MEP1A: variants seen among roughly 807,000 people sequenced by gnomAD.
The protein encoded by MEP1A is meprin A subunit alpha, also known as N-benzoyl-L-tyrosyl-P-amino-benzoic acid hydrolase subunit alpha.
Under a neutral mutation model 84.5 loss-of-function variants are expected in MEP1A, and 68 were observed. That is an observed-to-expected ratio of 0.80 (90% CI 0.66 to 0.98). The LOEUF is 0.98. Ranked by LOEUF, MEP1A falls within the 50% of genes least tolerant of loss-of-function variation. MEP1A has a pLI of 0.00. For synonymous variants in MEP1A, 337 were observed against 336.8 expected (o/e 1.00, Z -0.01); for missense variants, 887 against 919.9 (o/e 0.96, Z 0.46).
rs1200745408 is a variant in MEP1A at position 46,829,420 on chromosome 6, G to T, written c.993G>T (p.Glu331Asp). ...SGSAEEAALL[E>D]SRILYPKRKQ... ...CCGCGGAAGAGGCAGCCCTACTGGAGTCTCGGATTCTTTACCCAAAGAGGA... is the reference window on the plus strand; with the variant it reads ...CCGCGGAAGAGGCAGCCCTACTGGATTCTCGGATTCTTTACCCAAAGAGGA... Residue 331 changes from glutamate (E) to aspartate (D), a missense_variant, in exon 10 of 14, where the codon GAG becomes GAT. Physicochemically the swap from Glu to Asp is conservative, Grantham distance 45 (BLOSUM62 2). Coordinates refer to ENST00000230588, the MANE Select transcript of MEP1A (RefSeq NM_005588.3). 21 of 1,614,162 alleles carry T rather than the reference G, an allele frequency of 1.3e-5. No homozygotes were observed. Among genetic ancestry groups the T allele is most frequent in the Non-Finnish European group, 1.6e-5 (19 of 1,180,028 alleles).
Position 46,833,352 on chromosome 6 carries a change from A to T in MEP1A, c.1423A>T (p.Ser475Cys), listed in dbSNP as rs1768121122. The change falls in exon 11 of 14, where the codon AGC becomes TGC. Residue 475 changes from serine (S) to cysteine (C), a missense_variant. Physicochemically the swap from Ser to Cys is moderately radical, Grantham distance 112. Transcript: ENST00000230588. ...TTTTGGGGTAACTTTATACCCAAAT[A>T]GCAGAGAAAGCTCTGGTTACTTGAG... The part of the protein sequence containing the change: ...YGFGVTLYPN[S>C]RESSGYLRLA... 1 of 1,614,130 alleles carries T rather than the reference A, an allele frequency of 6.2e-7. No individual in the cohort carries two copies. Among genetic ancestry groups the T allele is most frequent in the African/African-American group, 1.3e-5 (1 of 74,942 alleles).
chr6:46,835,122 C>G, intron 12 of MEP1A, 127 bp from the exon 13 acceptor site: 1 of 802,556 alleles, frequency 1.2e-6, no homozygotes, highest in South Asian at 1.9e-5. Context: ...GGATTCAAAG[C>G]CACTTTTCCA....
chr6:46,822,073 T>C (rs112637513), intron 7 of MEP1A, among the ~76,000 whole-genome samples: 18 of 152,358 alleles, frequency 1.2e-4, no homozygotes, highest in African/African-American at 4.3e-4. Context: ...TTTTGAAATT[T>C]CTTTCCTTAT....
chr6:46,796,556 A>T (rs1767054867), intron 3 of MEP1A, among the ~76,000 whole-genome samples: 1 of 152,208 alleles, frequency 6.6e-6, no homozygotes, highest in African/African-American at 2.4e-5. Flanking sequence ...CAATCAAGAG[A>T]GTCATCTCCT....
rs1408945131 is a variant in MEP1A, at chr6:46,831,898, TCTACCTCTCTCCTGTGTTCCCATGTAAC to T, written c.1145-1144_1145-1117del. ...GTTACAGAGGTGGTCGTGTGCCTTC[TCTACCTCTCTCCTGTGTTCCCATGTAAC>T]CTACCTCTCTCCTGTGTTCCCATGT... is the stretch of plus-strand genomic sequence containing the variant. On this transcript the variant is annotated intron_variant, in intron 10 of 13. Transcript: ENST00000230588. 2.6e-5 allele frequency among the ~76,000 whole-genome samples: 4 copies of T among 152,278 alleles called. No homozygotes were observed. The East Asian group carries it at 7.7e-4, about 29-fold the overall frequency.
rs765731267 is a variant in MEP1A at position 46,818,049 on chromosome 6, T to G, written c.381-1480T>G. Reference sequence around the variant, plus strand: ...ATGTCTTTCTGTTGGGGGAGGAATTTAAAAAGAAAGATGAATAATAAATGC... The same window carrying G: ...ATGTCTTTCTGTTGGGGGAGGAATTGAAAAAGAAAGATGAATAATAAATGC... On this transcript the variant is annotated intron_variant, in intron 6 of 13. Coordinates refer to ENST00000230588, the MANE Select transcript of MEP1A (RefSeq NM_005588.3). 2.2e-4 allele frequency among the ~76,000 whole-genome samples: 34 copies of G among 152,116 alleles called. 1 individual carries two copies. Among genetic ancestry groups the G allele is most frequent in the Non-Finnish European group, 8.8e-5 (6 of 68,018 alleles).
chr6:46,798,835 C>A (rs1767126619), intron 4 of MEP1A, among the ~76,000 whole-genome samples, 189 bp downstream of exon 4: 1 of 152,204 alleles, frequency 6.6e-6, no homozygotes, highest in African/African-American at 2.4e-5. Context: ...AATAAGTAAA[C>A]AGCACAAAAG....
chr6:46,827,463 C>A (rs184195335), intron 9 of MEP1A, among the ~76,000 whole-genome samples: 1 of 152,258 alleles, frequency 6.6e-6, no homozygotes, highest in Non-Finnish European at 1.5e-5. Flanking sequence ...CCATTGAAAT[C>A]ATCTTAACCC....
chr6:46,801,689 A>G (rs964530777), intron 5 of MEP1A, among the ~76,000 whole-genome samples: 5 of 152,090 alleles, frequency 3.3e-5, no homozygotes, highest in Non-Finnish European at 4.4e-5. Context: ...ATATGTGCTT[A>G]AACCAAGTCA....
At chr6:46,827,981 G>A (rs1267484139) in intron 9 of MEP1A, among the ~76,000 whole-genome samples, 1 of 152,202 alleles carries the variant, frequency 6.6e-6, no homozygotes, top group Non-Finnish European at 1.5e-5. Context: ...GTATTTAATG[G>A]AACATGTCCC....
rs535640398 is a variant in MEP1A at position 46,819,724 on chromosome 6, G to C, written c.556+20G>C. 1 of 1,608,968 alleles carries C rather than the reference G, an allele frequency of 6.2e-7. No homozygotes were observed. The highest frequency in any genetic ancestry group is 1.1e-5 in the South Asian group (1 of 89,814). ...TTTCAGGTGTGATTGGGCGGAGATT[G>C]CTATCACATTTATCACTGGCTGAGA... is the stretch of plus-strand genomic sequence containing the variant. On this transcript the variant is annotated intron_variant, in intron 7 of 13. Transcript: ENST00000230588.
intron 3 of MEP1A, among the ~76,000 whole-genome samples, chr6:46,795,480 T>C (rs1321945654): frequency 1.3e-5 from 2 of 152,070 alleles, no homozygotes; most frequent in Admixed American, 6.6e-5. Flanking sequence ...TTTCTATTTT[T>C]AGTAGAGATG....
chr6:46,842,761 T>G (rs1267636503), downstream of MEP1A, among the ~76,000 whole-genome samples: 2 of 152,164 alleles, frequency 1.3e-5, no homozygotes, highest in African/African-American at 2.4e-5. Context: ...TAATAAAAAC[T>G]TGCTGGTTTT....
intron 5 of MEP1A, among the ~76,000 whole-genome samples, chr6:46,804,821 C>T (rs948319181): frequency 1.3e-5 from 2 of 151,818 alleles, no homozygotes; most frequent in East Asian, 3.9e-4. Context: ...TCTGTTATGG[C>T]CCTTCCAAGT....
intron 10 of MEP1A, among the ~76,000 whole-genome samples, chr6:46,830,985 C>T (rs1218244994): frequency 1.3e-5 from 2 of 152,178 alleles, no homozygotes; most frequent in Non-Finnish European, 2.9e-5. Flanking sequence ...TCATCTAAAG[C>T]TAAAAGCGTT....
chr6:46,840,941 T>C (rs1313650487), downstream of MEP1A, among the ~76,000 whole-genome samples: 1 of 152,158 alleles, frequency 6.6e-6, no homozygotes, highest in Admixed American at 6.5e-5. Flanking sequence ...AAGAAAGCCA[T>C]GCCCTTAACA....
chr6:46,793,566 T>C lies in MEP1A; in HGVS notation c.84T>C (p.Pro28=), dbSNP rs770961415. 1 of 1,551,280 alleles carries C rather than the reference T, an allele frequency of 6.4e-7. No homozygotes were observed. The highest frequency in any genetic ancestry group is 1.2e-5 in the South Asian group (1 of 84,590). The change falls in exon 2 of 14, where the codon CCT becomes CCC. Residue 28 remains proline, a synonymous_variant. Coordinates refer to ENST00000230588, the MANE Select transcript of MEP1A (RefSeq NM_005588.3). ...HIAAVPIKYL[P]EENVHDADFG... The stretch of plus-strand genomic sequence containing the variant: ...ATTTTTTTCAGATTAAGTATCTTCC[T>C]GAAGAAAATGGTAAGAATTAGTTCA...
intron 5 of MEP1A, among the ~76,000 whole-genome samples, chr6:46,801,382 CA>C (rs1562104082): frequency 6.6e-6 from 1 of 152,094 alleles, no homozygotes; most frequent in African/African-American, 2.4e-5. Flanking sequence ...TGATATTTAG[CA>C]CATTTTAGTA....
intron 7 of MEP1A, among the ~76,000 whole-genome samples, chr6:46,820,829 G>T (rs1051951416): frequency 1.3e-5 from 2 of 152,040 alleles, no homozygotes; most frequent in African/African-American, 2.4e-5. Context: ...TTTTAAGAAG[G>T]AATTAGTGAA....
Sources: gnomAD v4.1 joint callset for allele counts (sites outside exome capture counted in the v4.1 genomes callset) on GRCh38, gnomAD v4.1.1 for gene constraint, MANE v1.5 for transcripts, NCBI Gene and HGNC (gene_info 2026-07-23, HGNC 2026-07-21) for gene names.